The following PKP4 variants were observed in gnomAD, a reference collection of about 807,000 sequenced individuals.
PKP4 encodes plakophilin 4, also known as plakophilin-4.
PKP4 carries 90 observed loss-of-function variants against 145.1 expected under a neutral mutation model. The ratio of observed to expected loss-of-function variants is 0.62; its 90% CI spans 0.52 to 0.74. The LOEUF (loss-of-function observed/expected upper bound fraction) is 0.74. Ranked by LOEUF, PKP4 falls within the 30% of genes least tolerant of loss-of-function variation. PKP4 has a pLI of 0.00. For missense variants in PKP4, 1,340 were observed against 1,482.7 expected (o/e 0.90, Z 1.58); for synonymous variants, 563 against 577.2 (o/e 0.98, Z 0.35).
rs565799552 is a variant in PKP4, at chr2:158,593,411, TA to T, written c.246-9656del. ...TGGAACACCTGTTGTGGGATGGGCA[TA>T]AACAGAAGTCATGTTTCCTGTATAA... On this transcript the variant is annotated intron_variant, in intron 3 of 21. Transcript: ENST00000389759. Among the ~76,000 whole-genome samples the T allele has an allele frequency of 1.7e-3, 257 of 152,312 alleles. 1 individual carries two copies. Among genetic ancestry groups the T allele is most frequent in the African/African-American group, 5.8e-3 (242 of 41,588 alleles).
chr2:158,500,724 T>C (rs1368972223), intron 1 of PKP4, among the ~76,000 whole-genome samples: 1 of 152,204 alleles, frequency 6.6e-6, no homozygotes, highest in Non-Finnish European at 1.5e-5. Flanking sequence ...TTGTCCACTT[T>C]GGGGTTTGAG....
intron 1 of PKP4, among the ~76,000 whole-genome samples, chr2:158,522,676 G>A (rs1167036140): frequency 6.6e-6 from 1 of 152,198 alleles, no homozygotes; most frequent in Admixed American, 6.5e-5. Context: ...CCCAGCGTGA[G>A]CGACGCAGAA....
intron 4 of PKP4, among the ~76,000 whole-genome samples, chr2:158,615,609 T>A (rs1232767439): frequency 6.6e-6 from 1 of 152,224 alleles, no homozygotes; most frequent in Non-Finnish European, 1.5e-5. Context: ...TTATTTTTAA[T>A]GGTTTTATAT....
chr2:158,466,525 C>G lies in PKP4; in HGVS notation c.-6+9307C>G, dbSNP rs1376251209. Among the ~76,000 whole-genome samples, 17 of 151,332 alleles carry G rather than the reference C, an allele frequency of 1.1e-4. 1 individual carries two copies. The South Asian group carries it at 1.3e-3, about 11-fold the overall frequency. ...CAGCCTGGACAACATGGTGAAACCC[C>G]ATCTCTACTAAAAATACAAAAAAAA... On this transcript the variant is annotated intron_variant, in intron 1 of 21. Coordinates refer to ENST00000389759, the MANE Select transcript of PKP4 (RefSeq NM_003628.6).
chr2:158,667,604 T>C (rs1326057833), intron 16 of PKP4, among the ~76,000 whole-genome samples: 2 of 152,196 alleles, frequency 1.3e-5, no homozygotes, highest in Non-Finnish European at 2.9e-5. Flanking sequence ...CCATAAAGAA[T>C]TGCTGTAAGG....
chr2:158,534,169 G>T (rs1056293181), intron 2 of PKP4, among the ~76,000 whole-genome samples: 2 of 151,932 alleles, frequency 1.3e-5, no homozygotes, highest in South Asian at 4.2e-4. Flanking sequence ...TGTATTTGCT[G>T]GGATATTCCT....
chr2:158,519,029 T>C (rs1229719245), intron 1 of PKP4, among the ~76,000 whole-genome samples: 1 of 152,148 alleles, frequency 6.6e-6, no homozygotes, highest in Non-Finnish European at 1.5e-5. Flanking sequence ...TTTCATTTCT[T>C]CTTGTAGTAT....
chr2:158,642,972 A>AT (rs1405677786), intron 11 of PKP4, among the ~76,000 whole-genome samples: 2 of 152,176 alleles, frequency 1.3e-5, no homozygotes, highest in Non-Finnish European at 1.5e-5. Context: ...TAAATATGAC[A>AT]TTTTTTACAT....
chr2:158,535,022 C>T (rs1273927075), intron 2 of PKP4, among the ~76,000 whole-genome samples: 4 of 152,028 alleles, frequency 2.6e-5, no homozygotes, highest in Non-Finnish European at 5.9e-5. Flanking sequence ...ATATATTTGC[C>T]GTTTCATACA....
chr2:158,667,506 A>T (rs539261482), intron 16 of PKP4, among the ~76,000 whole-genome samples: 12 of 152,246 alleles, frequency 7.9e-5, no homozygotes, highest in African/African-American at 2.6e-4. Context: ...ATGGGACAAG[A>T]TCTTATGTGG....
chr2:158,458,398 T>C (rs1689212648), intron 1 of PKP4: 1 of 152,650 alleles, frequency 6.6e-6, no homozygotes, highest in Admixed American at 6.5e-5. Flanking sequence ...AGCTAGCCTT[T>C]CGTCTGGGTT....
rs150989908 is a variant in PKP4, at chr2:158,642,494, G to A, written c.1704G>A (p.Arg568=). The stretch of plus-strand genomic sequence containing the variant: ...AATATTTTTCATTCTAGGTGTGTAG[G>A]TTAGGGGGAATCAAGCATCTGGTTG... ...GDNKVKMEVC[R]LGGIKHLVDL... The change falls in exon 11 of 22, where the codon AGG becomes AGA. Residue 568 remains arginine (R), a synonymous_variant. Transcript: ENST00000389759. The A allele has an allele frequency of 1.1e-4, 172 of 1,608,298 alleles. No individual in the cohort carries two copies. Among genetic ancestry groups the A allele is most frequent in the Admixed American group, 3.3e-5 (2 of 59,768 alleles).
intron 1 of PKP4, among the ~76,000 whole-genome samples, chr2:158,523,729 T>G (rs1460710567): frequency 8.1e-6 from 1 of 123,864 alleles, no homozygotes; most frequent in African/African-American, 3.5e-5. Context: ...AGTTAAAAAC[T>G]TTGAAAAAAA....
At chr2:158,519,389 G>T (rs1473206303) in intron 1 of PKP4, among the ~76,000 whole-genome samples, 1 of 152,114 alleles carries the variant, frequency 6.6e-6, no homozygotes. Context: ...GGTCCCCCCT[G>T]GGTGTCAGTG....
intron 1 of PKP4, among the ~76,000 whole-genome samples, chr2:158,503,011 T>C (rs2105501418): frequency 6.6e-6 from 1 of 152,362 alleles, no homozygotes; most frequent in African/African-American, 2.4e-5. Context: ...AATATACCTC[T>C]CTTAGCTTTG....
intron 4 of PKP4, among the ~76,000 whole-genome samples, chr2:158,612,206 A>G (rs530187350): frequency 6.6e-6 from 1 of 152,168 alleles, no homozygotes; most frequent in Non-Finnish European, 1.5e-5. Flanking sequence ...ATGTCTAAGT[A>G]TCCACACACA....
chr2:158,583,999 C>T (rs1574620483), intron 3 of PKP4, among the ~76,000 whole-genome samples: 1 of 152,180 alleles, frequency 6.6e-6, no homozygotes, highest in Admixed American at 6.5e-5. Context: ...AGGTTCCCAA[C>T]AAGCGTTACA....
At position 158,680,926 on chromosome 2, in the gene PKP4, T is replaced by A. The variant is rs2058392223; in HGVS notation, c.*249T>A. The A allele has an allele frequency of 2.5e-6, 1 of 393,320 alleles. No individual in the cohort carries two copies. The highest frequency in any genetic ancestry group is 4.2e-5 in the Admixed American group (1 of 24,088). The allele number at this position is 393,320 out of a possible 1,614,324, so 24.4% of individuals were successfully genotyped here. Reference sequence around the variant, plus strand: ...TTCTGTAGTCTGGTGAAGGTGTGGGTGACGTGATGAGAGGTTTGAGAAATG... The same window carrying A: ...TTCTGTAGTCTGGTGAAGGTGTGGGAGACGTGATGAGAGGTTTGAGAAATG... On this transcript the variant is annotated 3_prime_UTR_variant, in exon 22 of 22. Transcript: ENST00000389759.
intron 20 of PKP4, among the ~76,000 whole-genome samples, chr2:158,677,928 C>T (rs1265682805): frequency 1.3e-5 from 2 of 152,008 alleles, no homozygotes; most frequent in Non-Finnish European, 2.9e-5. Flanking sequence ...TTTCATTTTC[C>T]TCATTAAAAA....
Sources: allele counts gnomAD v4.1 joint callset (sites outside exome capture counted in the v4.1 genomes callset), GRCh38; gene constraint gnomAD v4.1.1; transcripts MANE v1.5; gene names NCBI Gene and HGNC (gene_info 2026-07-23, HGNC 2026-07-21).